The following ADAMTSL1 variants were observed in gnomAD, a reference collection of about 807,000 sequenced individuals.
ADAMTSL1 encodes the protein ADAMTS like 1.
Under a neutral mutation model 201.8 loss-of-function variants are expected in ADAMTSL1, and 126 were observed. The ratio of observed to expected loss-of-function variants is 0.62; its 90% CI spans 0.54 to 0.72. The LOEUF (loss-of-function observed/expected upper bound fraction) is 0.72, where lower values mean the gene tolerates loss of function less well. Ranked by LOEUF, ADAMTSL1 falls within the 30% of genes least tolerant of loss-of-function variation. The pLI is 0.00. For synonymous variants in ADAMTSL1, 1,121 were observed against 903.4 expected, an observed-to-expected ratio of 1.24 and a Z score of -4.32; for missense variants, 2,679 against 2,277.8, an observed-to-expected ratio of 1.18 and a Z score of -3.59.
At chr9:18,506,192 G>C (rs10511659) in intron 2 of ADAMTSL1, among the ~76,000 whole-genome samples, 1 of 152,116 alleles carries the variant, frequency 6.6e-6, no homozygotes, top group South Asian at 2.1e-4. Flanking sequence ...ACCTTGAGCT[G>C]ATAAGAAAGA....
chr9:18,740,453 CTTT>C (rs199571065), intron 15 of ADAMTSL1, among the ~76,000 whole-genome samples: 3 of 98,164 alleles, frequency 3.1e-5, no homozygotes, highest in African/African-American at 1.1e-4. Context: ...CTCAATGTTC[CTTT>C]CTTTTTTTTT....
intron 23 of ADAMTSL1, among the ~76,000 whole-genome samples, chr9:18,840,467 T>A (rs954353145): frequency 6.6e-6 from 1 of 152,170 alleles, no homozygotes; most frequent in Non-Finnish European, 1.5e-5. Flanking sequence ...AGTCAGGTAG[T>A]GTGATGCCTC....
chr9:18,858,765 T>C (rs1827023833), intron 23 of ADAMTSL1, among the ~76,000 whole-genome samples: 1 of 152,168 alleles, frequency 6.6e-6, no homozygotes. Flanking sequence ...CTTTGTGACT[T>C]TGAATAAGAG....
At chr9:18,801,402 G>T (rs1822791595) in intron 20 of ADAMTSL1, among the ~76,000 whole-genome samples, 1 of 152,022 alleles carries the variant, frequency 6.6e-6, no homozygotes, top group African/African-American at 2.4e-5. Flanking sequence ...TAGGTTCAGG[G>T]GTTGAATCTC....
At chr9:18,512,746 G>C (rs1176030635) in intron 2 of ADAMTSL1, among the ~76,000 whole-genome samples, 1 of 152,088 alleles carries the variant, frequency 6.6e-6, no homozygotes, top group Non-Finnish European at 1.5e-5. Flanking sequence ...TATATGTATT[G>C]TTATTTTATT....
intron 2 of ADAMTSL1, among the ~76,000 whole-genome samples, chr9:18,382,568 T>G (rs150382663): frequency 1.1e-4 from 17 of 151,490 alleles, no homozygotes; most frequent in Middle Eastern, 6.8e-3. Context: ...GCACATGGAG[T>G]CTTCGAGTAC....
chr9:18,005,101 T>C (rs1819758529), intron 1 of ADAMTSL1, among the ~76,000 whole-genome samples: 1 of 152,092 alleles, frequency 6.6e-6, no homozygotes, highest in Admixed American at 6.6e-5. Flanking sequence ...GCTTACGCTA[T>C]AATGAGGGCG....
chr9:18,537,933 G>T (rs887052498), intron 3 of ADAMTSL1, among the ~76,000 whole-genome samples: 2 of 143,884 alleles, frequency 1.4e-5, no homozygotes, highest in African/African-American at 5.2e-5. Flanking sequence ...AAGAAGAAGA[G>T]GAGGAAGAGG....
At chr9:18,326,615 A>T (rs138035913) in intron 2 of ADAMTSL1, among the ~76,000 whole-genome samples, 6 of 152,360 alleles carry the variant, frequency 3.9e-5, no homozygotes, top group African/African-American at 1.4e-4. Context: ...TCAAAAATTG[A>T]TTTAGAAACA....
chr9:18,856,372 C>G (rs1354701773), intron 23 of ADAMTSL1, among the ~76,000 whole-genome samples: 1 of 150,998 alleles, frequency 6.6e-6, no homozygotes, highest in Non-Finnish European at 1.5e-5. Flanking sequence ...AATTGGCTAA[C>G]TAAACTTAAT....
At chr9:18,010,475 C>G (rs957601326) in intron 1 of ADAMTSL1, among the ~76,000 whole-genome samples, 2 of 151,970 alleles carry the variant, frequency 1.3e-5, no homozygotes, top group Non-Finnish European at 2.9e-5. Context: ...AAATACTTCA[C>G]TTGGTTTTAA....
chr9:18,819,866 G>C (rs1176924709), intron 21 of ADAMTSL1, among the ~76,000 whole-genome samples: 1 of 152,222 alleles, frequency 6.6e-6, no homozygotes, highest in East Asian at 1.9e-4. Context: ...GCTGGACAAG[G>C]AAATCATCTG....
At chr9:18,894,146 C>G (rs1328950717) in intron 26 of ADAMTSL1, among the ~76,000 whole-genome samples, 3 of 152,120 alleles carry the variant, frequency 2.0e-5, no homozygotes, top group African/African-American at 7.2e-5. Flanking sequence ...ATTGTAAGTG[C>G]AACTACAAAG....
At chr9:18,660,299 C>CT (rs1319886494) in intron 8 of ADAMTSL1, among the ~76,000 whole-genome samples, 1 of 152,190 alleles carries the variant, frequency 6.6e-6, no homozygotes, top group Non-Finnish European at 1.5e-5. Context: ...GAAATGATCT[C>CT]TAAGTTCTCT....
chr9:18,590,466 C>T (rs1823835714), intron 4 of ADAMTSL1, among the ~76,000 whole-genome samples: 1 of 148,040 alleles, frequency 6.8e-6, no homozygotes, highest in Admixed American at 6.7e-5. Flanking sequence ...AAAAACTCAA[C>T]TTTTCGTTTT....
At chr9:18,385,813 A>G (rs1837769693) in intron 2 of ADAMTSL1, among the ~76,000 whole-genome samples, 1 of 152,170 alleles carries the variant, frequency 6.6e-6, no homozygotes, top group Non-Finnish European at 1.5e-5. Flanking sequence ...TGCTTGTCAC[A>G]TTTATAGTCC....
At chr9:18,211,272 A>G (rs543144690) in intron 2 of ADAMTSL1, among the ~76,000 whole-genome samples, 1 of 152,216 alleles carries the variant, frequency 6.6e-6, no homozygotes, top group Non-Finnish European at 1.5e-5. Context: ...TGTTCTTTCA[A>G]AAATTTTGTG....
intron 2 of ADAMTSL1, among the ~76,000 whole-genome samples, chr9:18,393,614 C>G (rs937040569): frequency 6.6e-6 from 1 of 152,200 alleles, no homozygotes; most frequent in Non-Finnish European, 1.5e-5. Context: ...CCCTAGTAAC[C>G]TTCTACCCTG....
At chr9:18,597,267 C>A (rs1441450136) in intron 4 of ADAMTSL1, among the ~76,000 whole-genome samples, 1 of 152,064 alleles carries the variant, frequency 6.6e-6, no homozygotes, top group East Asian at 1.9e-4. Context: ...TGAAACAGAG[C>A]CTGTTGATGT....
Sources: allele counts gnomAD v4.1 joint callset (sites outside exome capture counted in the v4.1 genomes callset), GRCh38; gene constraint gnomAD v4.1.1; transcripts MANE v1.5; gene names NCBI Gene and HGNC (gene_info 2026-07-23, HGNC 2026-07-21).